Variants in HECTD4 observed in about 807,000 individuals in gnomAD.
HECTD4 encodes HECT domain E3 ubiquitin protein ligase 4, also known as probable E3 ubiquitin-protein ligase HECTD4.
A neutral mutation model predicts 471.5 loss-of-function variants in HECTD4; 114 were observed. The observed-to-expected ratio is 0.24, with a 90% CI of 0.21 to 0.28. The LOEUF (loss-of-function observed/expected upper bound fraction) is 0.28, where lower values mean the gene tolerates loss of function less well. Ranked by LOEUF, HECTD4 falls within the 10% of genes least tolerant of loss-of-function variation. The pLI is 1.00. For missense variants in HECTD4, 3,866 were observed against 5,651.5 expected (o/e 0.68, Z 10.13); for synonymous variants, 2,012 against 2,256.0 (o/e 0.89, Z 3.07).
intron 45 of HECTD4, among the ~76,000 whole-genome samples, 152 bp downstream of exon 45, chr12:112,219,234 A>G (rs1270186571): frequency 6.6e-6 from 1 of 152,264 alleles, no homozygotes; most frequent in Non-Finnish European, 1.5e-5. Flanking sequence ...AGATGAGAGC[A>G]TGGCACCGCA....
intron 1 of HECTD4, among the ~76,000 whole-genome samples, chr12:112,359,570 C>T (rs914892113): frequency 5.3e-5 from 8 of 152,262 alleles, no homozygotes; most frequent in Admixed American, 4.6e-4. Flanking sequence ...AGGTGCCTGC[C>T]ACCATGTCCA....
At chr12:112,313,883 C>G (rs539168465) in intron 3 of HECTD4, among the ~76,000 whole-genome samples, 65 of 152,052 alleles carry the variant, frequency 4.3e-4, no homozygotes, top group Admixed American at 2.6e-3. Context: ...TTGTGTGTGA[C>G]AGAGAGACAG....
rs2135590884 is a variant in HECTD4, at chr12:112,252,442, A to C, written c.3534T>G (p.Ala1178=). The part of the protein sequence containing the change: ...NTPDKAMWGF[A]CTVRAQESSE... ...CAAGTACCTGAGCGCGAACTGTGCA[A>C]GCAAAGCCCCACATGGCTTTATCAG... The change falls in exon 23 of 76, where the codon GCT becomes GCG. Residue 1178 remains alanine (A), a synonymous_variant. Transcript: ENST00000682272. The C allele has an allele frequency of 6.2e-7, 1 of 1,607,810 alleles. No individual in the cohort carries two copies.
intron 1 of HECTD4, among the ~76,000 whole-genome samples, chr12:112,329,508 C>T (rs973586320): frequency 6.6e-6 from 1 of 151,856 alleles, no homozygotes; most frequent in Non-Finnish European, 1.5e-5. Context: ...GCTGGGATTA[C>T]AGATGTCCAC....
intron 65 of HECTD4, among the ~76,000 whole-genome samples, chr12:112,176,372 T>G (rs1033270634): frequency 6.6e-6 from 1 of 152,218 alleles, no homozygotes; most frequent in Non-Finnish European, 1.5e-5. Context: ...AAGTTCATGG[T>G]CATCAAAGAT....
intron 49 of HECTD4, 132 bp downstream of exon 49, chr12:112,212,355 T>C: frequency 1.4e-6 from 1 of 718,222 alleles, no homozygotes. Context: ...AAGCTGGCTC[T>C]GCCCTTCCTC....
rs760300484 is a variant in HECTD4 at position 112,250,224 on chromosome 12, C to T, written c.3870G>A (p.Arg1290=). Residue 1290 remains arginine, a synonymous_variant, in exon 25 of 76, where the codon CGG becomes CGA. Coordinates refer to ENST00000682272, the MANE Select transcript of HECTD4 (RefSeq NM_001388303.1). ...TCATGATTCCTGGAGGCAGTCTGATCCGAGGCAGATCAAAGTAGTTTCCAA... is the reference window on the plus strand; with the variant it reads ...TCATGATTCCTGGAGGCAGTCTGATTCGAGGCAGATCAAAGTAGTTTCCAA... ...PPVGNYFDLP[R]IRLPPGIMIK... is the part of the protein sequence containing the mutation. 2.5e-6 allele frequency: 4 copies of T among 1,613,802 alleles called. No homozygotes were observed. The highest frequency in any genetic ancestry group is 1.3e-5 in the African/African-American group (1 of 74,880).
At chr12:112,225,806 T>A (rs1202708597) in intron 44 of HECTD4, among the ~76,000 whole-genome samples, 1 of 152,120 alleles carries the variant, frequency 6.6e-6, no homozygotes, top group Non-Finnish European at 1.5e-5. Flanking sequence ...TATACACATA[T>A]TTTTAGAGAC....
chr12:112,296,630 GCAAAGGGTGTGAGTA>G, intron 7 of HECTD4, among the ~76,000 whole-genome samples: 1 of 151,360 alleles, frequency 6.6e-6, no homozygotes, highest in Non-Finnish European at 1.5e-5. Context: ...GGATGTAGGT[GCAAAGGGTGTGAGTA>G]CAGTGGATGT....
chr12:112,167,157 CATGAA>C (rs777055478), intron 72 of HECTD4, 155 bp downstream of exon 72: 141 of 590,604 alleles, frequency 2.4e-4, no homozygotes, highest in Middle Eastern at 4.1e-4. Context: ...CCTCTGTCCC[CATGAA>C]ATAAGCCTTC....
intron 7 of HECTD4, among the ~76,000 whole-genome samples, chr12:112,304,530 T>C (rs927293156): frequency 2.6e-5 from 4 of 152,120 alleles, no homozygotes; most frequent in African/African-American, 7.2e-5. Context: ...CACTTTAAGT[T>C]CCAGCTCCCT....
chr12:112,190,657 C>T, intron 60 of HECTD4, 129 bp downstream of exon 60: 3 of 717,860 alleles, frequency 4.2e-6, no homozygotes, highest in Non-Finnish European at 6.8e-6. Flanking sequence ...TGACAGCAAT[C>T]TGAAGGAGGC....
At chr12:112,217,842 G>A (rs937446543) in intron 45 of HECTD4, among the ~76,000 whole-genome samples, 2 of 152,090 alleles carry the variant, frequency 1.3e-5, no homozygotes, top group African/African-American at 2.4e-5. Flanking sequence ...TCAGCTCAAG[G>A]CTAAGCAGGG....
chr12:112,360,163 T>C (rs781406189), intron 1 of HECTD4, among the ~76,000 whole-genome samples: 8 of 152,224 alleles, frequency 5.3e-5, no homozygotes, highest in Middle Eastern at 3.4e-3. Flanking sequence ...CACATAAAAG[T>C]AGCAAAAGAG....
At chr12:112,305,080 C>A (rs2035247136) in intron 7 of HECTD4, among the ~76,000 whole-genome samples, 1 of 152,134 alleles carries the variant, frequency 6.6e-6, no homozygotes, top group Non-Finnish European at 1.5e-5. Flanking sequence ...CCGGCTCTGT[C>A]CAATAGAACA....
chr12:112,307,478 A>G (rs2035290469), intron 6 of HECTD4, among the ~76,000 whole-genome samples: 1 of 152,240 alleles, frequency 6.6e-6, no homozygotes, highest in South Asian at 2.1e-4. Flanking sequence ...TCAAATGTAA[A>G]TCATGTTTTG....
At chr12:112,308,412 A>T (rs572846108) in intron 6 of HECTD4, among the ~76,000 whole-genome samples, 21 of 151,852 alleles carry the variant, frequency 1.4e-4, no homozygotes, top group African/African-American at 4.3e-4. Context: ...TGCCTTCCCA[A>T]AATAGATCTG....
intron 66 of HECTD4, among the ~76,000 whole-genome samples, chr12:112,175,453 G>C (rs2031403826): frequency 6.6e-6 from 1 of 152,236 alleles, no homozygotes; most frequent in Non-Finnish European, 1.5e-5. Context: ...AGAACTGAGA[G>C]AGAATACGTT....
chr12:112,308,966 A>G (rs1258813463), intron 5 of HECTD4, 75 bp from the exon 6 acceptor site: 1 of 1,422,866 alleles, frequency 7.0e-7, no homozygotes, highest in Non-Finnish European at 9.3e-7. Context: ...AACAGACACA[A>G]ACAACATTTT....
Sources: allele counts gnomAD v4.1 joint callset (sites outside exome capture counted in the v4.1 genomes callset), GRCh38; gene constraint gnomAD v4.1.1; transcripts MANE v1.5; gene names NCBI Gene and HGNC (gene_info 2026-07-23, HGNC 2026-07-21).